The following CLSTN1 variants were observed in gnomAD, a reference collection of about 807,000 sequenced individuals.
CLSTN1 encodes calsyntenin 1, also known as calsyntenin-1.
CLSTN1 carries 28 observed loss-of-function variants against 108.3 expected under a neutral mutation model. The observed-to-expected ratio is 0.26, with a 90% CI of 0.19 to 0.35. The LOEUF (loss-of-function observed/expected upper bound fraction) is 0.35, where lower values mean the gene tolerates loss of function less well. CLSTN1 is among the 10% of genes least tolerant of loss of function. The pLI, the probability that CLSTN1 is intolerant of heterozygous loss-of-function variation, is 1.00. For synonymous variants in CLSTN1, 524 were observed against 534.9 expected (o/e 0.98, Z 0.28); for missense variants, 1,157 against 1,302.6 (o/e 0.89, Z 1.72).
rs978507564 is a variant in CLSTN1 at position 9,729,902 on chromosome 1, G to GGAGGACC, written c.*599_*605dup. 1 of 155,792 alleles carries GGAGGACC rather than the reference G, an allele frequency of 6.4e-6. No homozygotes were observed. The highest frequency in any genetic ancestry group is 2.4e-5 in the African/African-American group (1 of 41,464). The allele number at this position is 155,792 out of a possible 1,614,324, so 9.7% of individuals were successfully genotyped here. A position where few individuals can be genotyped will look rare whatever the true frequency, so the allele number is the denominator to read the frequency against. On this transcript the variant is annotated 3_prime_UTR_variant, in exon 19 of 19. Transcript: ENST00000377298. Reference sequence around the variant, plus strand: ...GCCTCTCCCTCTGGGGTCTGGGGAGGGAGGACCCGGCGGGAAGAGCCCGTG... The same window carrying GGAGGACC: ...GCCTCTCCCTCTGGGGTCTGGGGAGGGAGGACCGAGGACCCGGCGGGAAGAGCCCGTG...
chr1:9,796,564 G>C (rs1247620977), intron 1 of CLSTN1, among the ~76,000 whole-genome samples: 4 of 149,688 alleles, frequency 2.7e-5, no homozygotes, highest in Non-Finnish European at 5.9e-5. Flanking sequence ...GGCGCCTGTA[G>C]TCCCAGCAAC....
At chr1:9,736,264 G>C (rs937976204) in intron 11 of CLSTN1, among the ~76,000 whole-genome samples, 2 of 152,182 alleles carry the variant, frequency 1.3e-5, no homozygotes, top group African/African-American at 2.4e-5. Flanking sequence ...AGAGTTGGGG[G>C]TGTCTCACCT....
At chr1:9,748,126 C>T (rs1651371068) in intron 7 of CLSTN1, among the ~76,000 whole-genome samples, 1 of 151,952 alleles carries the variant, frequency 6.6e-6, no homozygotes, top group Admixed American at 6.6e-5. Flanking sequence ...TAAGAAAATG[C>T]TCCCTGAAAA....
chr1:9,761,802 T>TA (rs1258895475), intron 2 of CLSTN1, among the ~76,000 whole-genome samples: 1 of 152,174 alleles, frequency 6.6e-6, no homozygotes, highest in Non-Finnish European at 1.5e-5. Context: ...CTTTGCTCCT[T>TA]ACGTATAACA....
At chr1:9,760,938 T>C (rs892524845) in intron 2 of CLSTN1, among the ~76,000 whole-genome samples, 2 of 152,008 alleles carry the variant, frequency 1.3e-5, no homozygotes, top group African/African-American at 4.8e-5. Context: ...ACCTCATCCG[T>C]TGCAGGGAAG....
rs1272301265 is a variant in CLSTN1 at position 9,731,915 on chromosome 1, G to C, written c.2428-19C>G. 1 of 1,614,034 alleles carries C rather than the reference G, an allele frequency of 6.2e-7. No homozygotes were observed. The highest frequency in any genetic ancestry group is 1.7e-5 in the Admixed American group (1 of 60,028). ...CATTCACCTATAGCAGAGAAAGAGA[G>C]GATCGCTGGAGACAGGCATCCTGAG... On this transcript the variant is annotated intron_variant, in intron 16 of 18. Coordinates refer to ENST00000377298, the MANE Select transcript of CLSTN1 (RefSeq NM_001009566.3).
chr1:9,761,860 T>C (rs1015535268), intron 2 of CLSTN1, among the ~76,000 whole-genome samples: 3 of 152,156 alleles, frequency 2.0e-5, no homozygotes, highest in South Asian at 2.1e-4. Flanking sequence ...CTAGGTAACT[T>C]AGCAAAAGGA....
At position 9,776,788 on chromosome 1, in the gene CLSTN1, C is replaced by CTCTATCTATCTATCTA. The variant is rs137950862; in HGVS notation, c.92-3410_92-3395dup. 1.8e-4 allele frequency among the ~76,000 whole-genome samples: 27 copies of CTCTATCTATCTATCTA among 151,870 alleles called. 1 individual carries two copies. In the East Asian group the frequency reaches 2.3e-3, roughly 13 times the overall value. On this transcript the variant is annotated intron_variant, in intron 1 of 18. Coordinates refer to ENST00000377298, the MANE Select transcript of CLSTN1 (RefSeq NM_001009566.3). Reference sequence around the variant, plus strand: ...ATTATCCATCCATCCACCCACCTATCTCTATCTATCTATCTATCTATCTAT... The same window carrying CTCTATCTATCTATCTA: ...ATTATCCATCCATCCACCCACCTATCTCTATCTATCTATCTATCTATCTATCTATCTATCTATCTAT...
chr1:9,756,441 G>GT, intron 3 of CLSTN1, 40 bp downstream of exon 3: 1 of 1,567,482 alleles, frequency 6.4e-7, no homozygotes, highest in Non-Finnish European at 8.8e-7. Context: ...AAGTTAGTGG[G>GT]TTAATATTCA....
At chr1:9,738,793 C>T (rs113936732) in intron 10 of CLSTN1, among the ~76,000 whole-genome samples, 428 of 152,206 alleles carry the variant, frequency 2.8e-3, no homozygotes, top group Non-Finnish European at 3.9e-3. Context: ...GGATTACAGG[C>T]GCACGCCACC....
At chr1:9,788,615 C>A (rs1570494285) in intron 1 of CLSTN1, among the ~76,000 whole-genome samples, 1 of 150,914 alleles carries the variant, frequency 6.6e-6, no homozygotes, top group South Asian at 2.2e-4. Flanking sequence ...CGCCTGTAAT[C>A]CCAGCACTTT....
At chr1:9,810,259 TAA>T (rs1654694569) in intron 1 of CLSTN1, among the ~76,000 whole-genome samples, 1 of 150,768 alleles carries the variant, frequency 6.6e-6, no homozygotes, top group Non-Finnish European at 1.5e-5. Flanking sequence ...GTGGATCATC[TAA>T]GGTCAGGAGT....
chr1:9,763,665 A>G (rs1652189560), intron 2 of CLSTN1, among the ~76,000 whole-genome samples: 1 of 152,198 alleles, frequency 6.6e-6, no homozygotes, highest in Admixed American at 6.5e-5. Flanking sequence ...ATAGCATTGG[A>G]AAACCCCATG....
rs570354831 is a variant in CLSTN1, at chr1:9,737,468, A to G, written c.1576+30T>C. On this transcript the variant is annotated intron_variant, in intron 11 of 18. Coordinates refer to ENST00000377298, the MANE Select transcript of CLSTN1 (RefSeq NM_001009566.3). The stretch of plus-strand genomic sequence containing the variant: ...CAGTCTCATCTTTAAATGAAACACA[A>G]TAGTGAATGTAGGGAAAAAATCCAG... 16 of 1,599,050 alleles carry G rather than the reference A, an allele frequency of 1.0e-5. No individual in the cohort carries two copies. In the East Asian group the frequency reaches 3.1e-4, roughly 31 times the overall value.
At chr1:9,745,897 T>G (rs1221307758) in intron 7 of CLSTN1, among the ~76,000 whole-genome samples, 1 of 150,300 alleles carries the variant, frequency 6.7e-6, no homozygotes, top group Non-Finnish European at 1.5e-5. Context: ...GCCTCCCAAG[T>G]AGCTGGGACC....
chr1:9,780,628 T>A (rs1046495874), intron 1 of CLSTN1, among the ~76,000 whole-genome samples: 1 of 152,356 alleles, frequency 6.6e-6, no homozygotes, highest in Non-Finnish European at 1.5e-5. Context: ...ATATTTTTAA[T>A]ATTTCATCAC....
At position 9,735,991 on chromosome 1, in the gene CLSTN1, G is replaced by A. The variant is rs867897873; in HGVS notation, c.1628C>T (p.Thr543Ile). 1.9e-6 allele frequency: 3 copies of A among 1,614,070 alleles called. No homozygotes were observed. The highest frequency in any genetic ancestry group is 1.6e-4 in the Middle Eastern group (1 of 6,084). ...QFFRGNLAGL[T>I]LRSGKLADKK... ...ATCCGCGAGTTTCCCGGAACGGAGA[G>A]TTAAGCCAGCCAGATTGCCTCGGAA... is the stretch of plus-strand genomic sequence containing the variant. The change falls in exon 12 of 19, where the codon ACT becomes ATT. Residue 543 changes from threonine (T) to isoleucine (I), a missense_variant. Transcript: ENST00000377298.
intron 1 of CLSTN1, among the ~76,000 whole-genome samples, chr1:9,774,818 G>C (rs967854930): frequency 6.6e-6 from 1 of 152,152 alleles, no homozygotes; most frequent in Non-Finnish European, 1.5e-5. Context: ...GAGCAGCCCT[G>C]AGGGCTGCTG....
intron 1 of CLSTN1, among the ~76,000 whole-genome samples, 169 bp from the exon 2 acceptor site, chr1:9,773,563 A>G (rs1652793495): frequency 6.6e-6 from 1 of 152,340 alleles, no homozygotes; most frequent in Admixed American, 6.5e-5. Context: ...AAATGAGATG[A>G]AATTCTAAAT....
Sources: allele counts gnomAD v4.1 joint callset (sites outside exome capture counted in the v4.1 genomes callset), GRCh38; gene constraint gnomAD v4.1.1; transcripts MANE v1.5; gene names NCBI Gene and HGNC (gene_info 2026-07-23, HGNC 2026-07-21).